FGFR1: variants seen among roughly 807,000 people sequenced by gnomAD.
The protein encoded by FGFR1 is FGFR1/PLAG1 fusion.
FGFR1 carries 18 observed loss-of-function variants against 93.7 expected under a neutral mutation model. The observed-to-expected ratio is 0.19, with a 90% CI of 0.13 to 0.28. The LOEUF is 0.28. Among genes scored for constraint, FGFR1 ranks in the 10% least tolerant of loss-of-function variants. FGFR1 has a pLI of 1.00. For missense variants in FGFR1, 731 were observed against 1,080.4 expected (o/e 0.68, Z 4.53); for synonymous variants, 448 against 429.3 (o/e 1.04, Z -0.54).
At chr8:38,441,081 T>A (rs1827286296) in intron 2 of FGFR1, among the ~76,000 whole-genome samples, 1 of 119,000 alleles carries the variant, frequency 8.4e-6, no homozygotes, top group African/African-American at 3.2e-5. Context: ...CAAAAACAGA[T>A]CCCCCCGAGC....
chr8:38,457,883 T>C (rs3758103), intron 1 of FGFR1, among the ~76,000 whole-genome samples: 16,582 of 152,150 alleles, frequency 0.11, 1,137 homozygotes, highest in Non-Finnish European at 0.16. Flanking sequence ...CTTCGGAGGC[T>C]AAGGCAAGAG....
In FGFR1 at chr8:38,412,452, C is replaced by G. The variant is rs958989204; in HGVS notation, c.*1176G>C. 7 of 232,800 alleles carry G rather than the reference C, an allele frequency of 3.0e-5. No homozygotes were observed. Among genetic ancestry groups the G allele is most frequent in the Non-Finnish European group, 5.1e-5 (6 of 117,828 alleles). The allele number at this position is 232,800 out of a possible 1,614,324, so 14.4% of individuals were successfully genotyped here. A position where few individuals can be genotyped will look rare whatever the true frequency, so the allele number is the denominator to read the frequency against. ...TTCCTTGGAGGAAACCATCCATGGTCGATGGCTGCTGGGCCTTGACTCTCT... is the reference window on the plus strand; with the variant it reads ...TTCCTTGGAGGAAACCATCCATGGTGGATGGCTGCTGGGCCTTGACTCTCT... On this transcript the variant is annotated 3_prime_UTR_variant, in exon 18 of 18. Transcript: ENST00000447712.
At chr8:38,451,795 AC>A (rs1831165609) in intron 2 of FGFR1, among the ~76,000 whole-genome samples, 1 of 152,102 alleles carries the variant, frequency 6.6e-6, no homozygotes, top group African/African-American at 2.4e-5. Flanking sequence ...CAGGACCCCC[AC>A]CCCAACTACC....
chr8:38,415,572 A>G (rs931012680), intron 13 of FGFR1, among the ~76,000 whole-genome samples: 1 of 151,258 alleles, frequency 6.6e-6, no homozygotes, highest in African/African-American at 2.4e-5. Context: ...CACCCAGCTG[A>G]TATTATTATT....
Position 38,413,389 on chromosome 8 carries a change from A to C in FGFR1, c.*239T>G. 1.8e-6 allele frequency: 1 copy of C among 556,256 alleles called. No homozygotes were observed. Among genetic ancestry groups the C allele is most frequent in the Non-Finnish European group, 3.2e-6 (1 of 313,988 alleles). 34.5% of individuals were successfully genotyped at this position (556,256 alleles called of 1,614,324 possible). A position where few individuals can be genotyped will look rare whatever the true frequency, so the allele number is the denominator to read the frequency against. On this transcript the variant is annotated 3_prime_UTR_variant, in exon 18 of 18. Transcript: ENST00000447712. The surrounding 1 kb of genome is among the most constrained non-coding windows in gnomAD (Gnocchi z 4.2). Reference sequence around the variant, plus strand: ...GTGTTGGTCCAACATCTGGGAGGGGATGAAGTGGCTGGCAGCAAAGATCTG... The same window carrying C: ...GTGTTGGTCCAACATCTGGGAGGGGCTGAAGTGGCTGGCAGCAAAGATCTG...
intron 2 of FGFR1, among the ~76,000 whole-genome samples, chr8:38,439,215 T>C (rs1826497376): frequency 6.6e-6 from 1 of 152,122 alleles, no homozygotes; most frequent in Non-Finnish European, 1.5e-5. Flanking sequence ...TCCTGGCCCC[T>C]CCACTGTGTC....
intron 2 of FGFR1, among the ~76,000 whole-genome samples, chr8:38,454,256 G>A (rs910907782): frequency 2.0e-5 from 3 of 150,400 alleles, no homozygotes; most frequent in Admixed American, 6.6e-5. Flanking sequence ...TCATCCCGTC[G>A]GGCTGGCTCA....
intron 8 of FGFR1, among the ~76,000 whole-genome samples, chr8:38,421,000 G>A (rs1176661367): frequency 6.6e-6 from 1 of 152,216 alleles, no homozygotes; most frequent in Non-Finnish European, 1.5e-5. Context: ...AGGGGCATCC[G>A]GAGACCCTGA....
intron 2 of FGFR1, among the ~76,000 whole-genome samples, chr8:38,444,572 T>G (rs1250604262): frequency 3.3e-5 from 5 of 150,728 alleles, no homozygotes; most frequent in Non-Finnish European, 3.0e-5. Context: ...TTTTTTTTTT[T>G]GTAGAGACAG....
intron 11 of FGFR1, 41 bp from the exon 12 acceptor site, chr8:38,417,457 G>C (rs776837147): frequency 1.8e-5 from 28 of 1,555,252 alleles, no homozygotes; most frequent in Non-Finnish European, 2.4e-5. Flanking sequence ...TGGGAAGGGA[G>C]GAGGGCAGGA....
rs199830036 is a variant in FGFR1, at chr8:38,415,851, G to A, written c.1854+19C>T. On this transcript the variant is annotated intron_variant, in intron 13 of 17. Transcript: ENST00000447712. ...GTTCCCACCCTGGCATTACCCAGGG[G>A]AGCCTTCAGGTTCCACACCTTCTTG... is the stretch of plus-strand genomic sequence containing the variant. 570 of 1,612,120 alleles carry A rather than the reference G, an allele frequency of 3.5e-4. 4 individuals are homozygous for A. The highest frequency in any genetic ancestry group is 1.0e-4 in the Admixed American group (6 of 59,994).
chr8:38,426,421 C>T lies in FGFR1; in HGVS notation c.622-176G>A, dbSNP rs1820777610. On this transcript the variant is annotated intron_variant, in intron 5 of 17. Coordinates refer to ENST00000447712, the MANE Select transcript of FGFR1 (RefSeq NM_023110.3). This position sits in a 1 kb window ranked among gnomAD's most constrained non-coding sequence, Gnocchi z 4.1. ...TTGCCCCCCTACCAGCCCGTTCACACTCTGCAAGCTGGCAGATGGGGTGTA... is the reference window on the plus strand; with the variant it reads ...TTGCCCCCCTACCAGCCCGTTCACATTCTGCAAGCTGGCAGATGGGGTGTA... Among the ~76,000 whole-genome samples the T allele has an allele frequency of 6.6e-6, 1 of 152,214 alleles. No homozygotes were observed. Among genetic ancestry groups the T allele is most frequent in the African/African-American group, 2.4e-5 (1 of 41,466 alleles).
intron 9 of FGFR1, among the ~76,000 whole-genome samples, chr8:38,418,925 C>T (rs1817719527): frequency 6.6e-6 from 1 of 152,114 alleles, no homozygotes; most frequent in Non-Finnish European, 1.5e-5. Flanking sequence ...GGTAGGAGGT[C>T]ATTGACTCAT....
chr8:38,414,036 T>TTTAA lies in FGFR1; in HGVS notation c.2187-14_2187-13insTTAA. The TTTAA allele has an allele frequency of 1.2e-6, 2 of 1,613,896 alleles. No individual in the cohort carries two copies. The highest frequency in any genetic ancestry group is 1.7e-6 in the Non-Finnish European group (2 of 1,179,878). ...CATCATCATGTACCTGCGGCAGGAC[T>TTTAA]GTAAGGTCAGGGACGTCTCCTGGAG... On this transcript the variant is annotated splice_polypyrimidine_tract_variant and intron_variant, in intron 16 of 17. Coordinates refer to ENST00000447712, the MANE Select transcript of FGFR1 (RefSeq NM_023110.3).
At chr8:38,434,135 A>G (rs1395673515) in intron 2 of FGFR1, among the ~76,000 whole-genome samples, 14 of 152,228 alleles carry the variant, frequency 9.2e-5, no homozygotes, top group African/African-American at 7.2e-5. Context: ...AATTGTGTAG[A>G]CATACCACAT....
chr8:38,438,828 C>T (rs1286378737), intron 2 of FGFR1, among the ~76,000 whole-genome samples: 1 of 152,170 alleles, frequency 6.6e-6, no homozygotes, highest in Non-Finnish European at 1.5e-5. Flanking sequence ...TGCATCCTAC[C>T]TCCTCCCGTG....
Position 38,424,784 on chromosome 8 carries a change from T to C in FGFR1, c.746-85A>G. Reference sequence around the variant, plus strand: ...TGGGCTCACCTGCGCCCCACTTGGCTTTCCCAGTGATGGGTTGTAAACCTC... The same window carrying C: ...TGGGCTCACCTGCGCCCCACTTGGCCTTCCCAGTGATGGGTTGTAAACCTC... On this transcript the variant is annotated intron_variant, in intron 6 of 17. Coordinates refer to ENST00000447712, the MANE Select transcript of FGFR1 (RefSeq NM_023110.3). This position sits in a 1 kb window ranked among gnomAD's most constrained non-coding sequence, Gnocchi z 4.3. 1 of 1,432,614 alleles carries C rather than the reference T, an allele frequency of 7.0e-7. No individual in the cohort carries two copies. Among genetic ancestry groups the C allele is most frequent in the East Asian group, 2.3e-5 (1 of 43,494 alleles). 88.7% of individuals were successfully genotyped at this position (1,432,614 alleles called of 1,614,324 possible). A position where few individuals can be genotyped will look rare whatever the true frequency, so the allele number is the denominator to read the frequency against.
intron 7 of FGFR1, chr8:38,423,288 G>T: frequency 1.6e-6 from 1 of 611,808 alleles, no homozygotes; most frequent in Non-Finnish European, 3.0e-6. Flanking sequence ...GATGTTAAGT[G>T]AGATTTATTA....
chr8:38,415,778 C>T (rs549636375), intron 13 of FGFR1, 92 bp downstream of exon 13: 227 of 1,301,956 alleles, frequency 1.7e-4, no homozygotes, highest in Non-Finnish European at 2.1e-4. Context: ...GCATCCACAA[C>T]GCCACCACAA....
Sources: gnomAD v4.1 joint callset for allele counts (sites outside exome capture counted in the v4.1 genomes callset) on GRCh38, gnomAD v4.1.1 for gene constraint, Gnocchi (gnomAD v3.1) non-coding constraint, MANE v1.5 for transcripts, NCBI Gene and HGNC (gene_info 2026-07-23, HGNC 2026-07-21) for gene names.